PRR16: variants seen among roughly 807,000 people sequenced by gnomAD.
PRR16 encodes the protein proline rich 16.
In PRR16, 6 loss-of-function variants were observed where a neutral mutation model predicts 18.2. That is an observed-to-expected ratio of 0.33 (90% CI 0.18 to 0.65). PRR16 has a LOEUF of 0.65. Ranked by LOEUF, PRR16 falls within the 30% of genes least tolerant of loss-of-function variation. The pLI is 0.74. For synonymous variants in PRR16, 151 were observed against 147.8 expected (o/e 1.02, Z -0.16); for missense variants, 412 against 376.6 (o/e 1.09, Z -0.78).
intron 1 of PRR16, among the ~76,000 whole-genome samples, chr5:120,570,651 A>G (rs1296477182): frequency 6.6e-6 from 1 of 152,154 alleles, no homozygotes; most frequent in Admixed American, 6.6e-5. Flanking sequence ...AACCATCTCA[A>G]TCCCAACTAG....
chr5:120,753,541 T>C, the PRR16 span, among the ~76,000 whole-genome samples: 1 of 151,868 alleles, frequency 6.6e-6, no homozygotes, highest in African/African-American at 2.4e-5. Flanking sequence ...TCTATATCTG[T>C]GTGTTTATTT....
At chr5:120,719,511 C>T in the PRR16 span, among the ~76,000 whole-genome samples, 5 of 152,062 alleles carry the variant, frequency 3.3e-5, no homozygotes, top group Admixed American at 2.0e-4. Context: ...CGCAAAAGGA[C>T]AGAGAGATAT....
chr5:120,721,038 C>G, the PRR16 span, among the ~76,000 whole-genome samples: 1 of 152,026 alleles, frequency 6.6e-6, no homozygotes, highest in African/African-American at 2.4e-5. Context: ...TGACCATCAT[C>G]ATATGGAAAC....
chr5:120,676,547 T>TGC (rs1561610718), intron 1 of PRR16, among the ~76,000 whole-genome samples: 2 of 150,148 alleles, frequency 1.3e-5, no homozygotes, highest in African/African-American at 2.5e-5. Flanking sequence ...TGTGTGTGTG[T>TGC]GCGTGTGTAT....
chr5:120,733,393 T>G, the PRR16 span, among the ~76,000 whole-genome samples: 59 of 152,222 alleles, frequency 3.9e-4, no homozygotes, highest in African/African-American at 1.3e-3. Context: ...CAAGAAATCC[T>G]CCCACTTTAA....
the PRR16 span, among the ~76,000 whole-genome samples, chr5:120,770,950 T>TCTCACACACA: frequency 6.7e-6 from 1 of 148,870 alleles, no homozygotes; most frequent in South Asian, 2.1e-4. Context: ...TCTCTCTCTC[T>TCTCACACACA]CACACACACA....
intron 1 of PRR16, among the ~76,000 whole-genome samples, chr5:120,634,011 C>A (rs1755146652): frequency 6.6e-6 from 1 of 152,060 alleles, no homozygotes; most frequent in Non-Finnish European, 1.5e-5. Flanking sequence ...GCACATGGAA[C>A]ATTCTCTAAG....
the PRR16 span, among the ~76,000 whole-genome samples, chr5:120,716,711 C>G: frequency 6.6e-6 from 1 of 152,004 alleles, no homozygotes; most frequent in Non-Finnish European, 1.5e-5. Flanking sequence ...CCCATCTCTT[C>G]TAAAAATACA....
the PRR16 span, among the ~76,000 whole-genome samples, chr5:120,719,190 G>A: frequency 1.3e-5 from 2 of 152,102 alleles, no homozygotes; most frequent in Admixed American, 6.6e-5. Flanking sequence ...TTACAAGTAA[G>A]ATGAAATATA....
intron 1 of PRR16, among the ~76,000 whole-genome samples, chr5:120,541,592 A>G (rs1751917527): frequency 6.6e-6 from 1 of 152,222 alleles, no homozygotes; most frequent in African/African-American, 2.4e-5. Context: ...GCAATTAAAT[A>G]ATATATTCAG....
intron 1 of PRR16, among the ~76,000 whole-genome samples, chr5:120,555,046 G>C (rs1050782147): frequency 6.6e-6 from 1 of 151,830 alleles, no homozygotes; most frequent in Non-Finnish European, 1.5e-5. Flanking sequence ...CAATTTGAGA[G>C]GATTTATGTT....
rs553925221 is a variant in PRR16 at position 120,683,137 on chromosome 5, T to G, written c.160-2817T>G. On this transcript the variant is annotated intron_variant, in intron 1 of 1. Transcript: ENST00000407149. ...TACAGAGTTGAGGACTGAGAGTTAT[T>G]TAGGAGCATGAGACAATGACTAGAA... Among the ~76,000 whole-genome samples the G allele has an allele frequency of 3.3e-5, 5 of 152,186 alleles. No individual in the cohort carries two copies. In the South Asian group the frequency reaches 1.0e-3, roughly 32 times the overall value.
the PRR16 span, among the ~76,000 whole-genome samples, chr5:120,745,109 C>A: frequency 2.0e-5 from 3 of 152,168 alleles, no homozygotes; most frequent in Non-Finnish European, 4.4e-5. Context: ...CCTCCCTAAT[C>A]ATAAGAAGAT....
At chr5:120,594,868 A>G (rs1312267909) in intron 1 of PRR16, among the ~76,000 whole-genome samples, 1 of 151,870 alleles carries the variant, frequency 6.6e-6, no homozygotes, top group Admixed American at 6.6e-5. Context: ...AGGACTCCCT[A>G]TTCAATAAAT....
chr5:120,771,355 T>C, the PRR16 span, among the ~76,000 whole-genome samples: 1 of 152,038 alleles, frequency 6.6e-6, no homozygotes, highest in Non-Finnish European at 1.5e-5. Flanking sequence ...CACATTGCAG[T>C]AGTTCTGACC....
At chr5:120,518,230 A>G (rs1011330431) in intron 1 of PRR16, among the ~76,000 whole-genome samples, 2 of 152,160 alleles carry the variant, frequency 1.3e-5, no homozygotes, top group African/African-American at 2.4e-5. Context: ...CAAGTTTTTA[A>G]TACATCTTAA....
chr5:120,559,428 T>C (rs1752510458), intron 1 of PRR16, among the ~76,000 whole-genome samples: 1 of 151,876 alleles, frequency 6.6e-6, no homozygotes, highest in African/African-American at 2.4e-5. Context: ...TTACCTAGTG[T>C]ATATCCTTGG....
chr5:120,794,452 T>C, the PRR16 span, among the ~76,000 whole-genome samples: 1 of 152,140 alleles, frequency 6.6e-6, no homozygotes, highest in African/African-American at 2.4e-5. Context: ...CATTAGTATA[T>C]TGATATTCAT....
chr5:120,546,248 G>A (rs300962), intron 1 of PRR16, among the ~76,000 whole-genome samples: 107,040 of 151,834 alleles, frequency 0.7, 38,295 homozygotes, highest in East Asian at 0.87. Flanking sequence ...AATACAGTGG[G>A]AATGGTTATA....
Sources: allele counts gnomAD v4.1 joint callset (sites outside exome capture counted in the v4.1 genomes callset), GRCh38; gene constraint gnomAD v4.1.1; transcripts MANE v1.5; gene names NCBI Gene and HGNC (gene_info 2026-07-23, HGNC 2026-07-21).